The following NTF3 variants were observed in gnomAD, a reference collection of about 807,000 sequenced individuals.
The protein encoded by NTF3 is neurotrophin 3.
A neutral mutation model predicts 26.3 loss-of-function variants in NTF3; 8 were observed. The ratio of observed to expected loss-of-function variants is 0.30; its 90% confidence interval spans 0.18 to 0.55. The LOEUF is 0.55. Among genes scored for constraint, NTF3 ranks in the 20% least tolerant of loss-of-function variants. NTF3 has a pLI of 0.93. For missense variants in NTF3, 276 were observed against 352.9 expected, an observed-to-expected ratio of 0.78 and a Z score of 1.75; for synonymous variants, 154 against 145.5, an observed-to-expected ratio of 1.06 and a Z score of -0.42.
chr12:5,491,485 T>C (rs1333320878), intron 1 of NTF3, among the ~76,000 whole-genome samples: 1 of 152,108 alleles, frequency 6.6e-6, no homozygotes, highest in Non-Finnish European at 1.5e-5. Flanking sequence ...GCAGGTGCTA[T>C]CGTTGGGATC....
At chr12:5,472,027 C>T (rs371358360) in intron 1 of NTF3, among the ~76,000 whole-genome samples, 6 of 152,232 alleles carry the variant, frequency 3.9e-5, no homozygotes, top group African/African-American at 1.2e-4. Flanking sequence ...GATAACTGTG[C>T]GGTCTGAGGT....
At chr12:5,483,782 G>A (rs1254279218) in intron 1 of NTF3, among the ~76,000 whole-genome samples, 1 of 152,186 alleles carries the variant, frequency 6.6e-6, no homozygotes, top group African/African-American at 2.4e-5. Flanking sequence ...GGATGTGCAG[G>A]AACATGGAGA....
chr12:5,436,634 C>CT (rs1940172108), intron 1 of NTF3, among the ~76,000 whole-genome samples: 1 of 152,182 alleles, frequency 6.6e-6, no homozygotes, highest in Non-Finnish European at 1.5e-5. Context: ...AATACAGGTG[C>CT]TAGCACGTAT....
At chr12:5,439,948 C>T (rs1042532030) in intron 1 of NTF3, among the ~76,000 whole-genome samples, 1 of 152,144 alleles carries the variant, frequency 6.6e-6, no homozygotes, top group Non-Finnish European at 1.5e-5. Context: ...CTGAGGTCCC[C>T]AGGCTGTGTT....
chr12:5,471,382 G>A lies in NTF3; in HGVS notation c.19-22812G>A, dbSNP rs546405122. On this transcript the variant is annotated intron_variant, in intron 1 of 1. Coordinates refer to ENST00000423158, the MANE Select transcript of NTF3 (RefSeq NM_001102654.2). ...TGGGAAACCAATACTATGTTGAAATGTACAAAATAATCTTAAAGCACAGAT... is the reference window on the plus strand; with the variant it reads ...TGGGAAACCAATACTATGTTGAAATATACAAAATAATCTTAAAGCACAGAT... Among the ~76,000 whole-genome samples, 14 of 152,194 alleles carry A rather than the reference G, an allele frequency of 9.2e-5. No homozygotes were observed. The South Asian group carries it at 2.9e-3, about 32-fold the overall frequency.
At chr12:5,446,803 A>G (rs367651611) in intron 1 of NTF3, among the ~76,000 whole-genome samples, 4 of 152,240 alleles carry the variant, frequency 2.6e-5, no homozygotes, top group African/African-American at 7.2e-5. Flanking sequence ...TGCTAAGTGC[A>G]TGCTTCGGTA....
chr12:5,432,639 C>G (rs1026918248), intron 1 of NTF3, among the ~76,000 whole-genome samples: 7 of 151,604 alleles, frequency 4.6e-5, no homozygotes, highest in Admixed American at 3.9e-4. Context: ...CTCCTCCCCT[C>G]TTGTCCCTCG....
intron 1 of NTF3, among the ~76,000 whole-genome samples, chr12:5,469,371 A>C (rs1191575118): frequency 6.6e-6 from 1 of 152,152 alleles, no homozygotes; most frequent in Non-Finnish European, 1.5e-5. Flanking sequence ...CAGAGCTTAG[A>C]CACCTGCTGC....
intron 1 of NTF3, among the ~76,000 whole-genome samples, chr12:5,480,376 G>T (rs1940774548): frequency 6.6e-6 from 1 of 152,184 alleles, no homozygotes; most frequent in Non-Finnish European, 1.5e-5. Flanking sequence ...GGGAAAGGAA[G>T]ACAATAGAAT....
chr12:5,439,477 A>G (rs1565383466), intron 1 of NTF3, among the ~76,000 whole-genome samples: 1 of 152,188 alleles, frequency 6.6e-6, no homozygotes, highest in African/African-American at 2.4e-5. Context: ...TGGTCACCCC[A>G]TAGGGTAACC....
rs2121147568 is a variant in NTF3 at position 5,441,811 on chromosome 12, C to A, written c.18+9469C>A. Among the ~76,000 whole-genome samples the A allele has an allele frequency of 2.0e-5, 3 of 152,320 alleles. No homozygotes were observed. In the East Asian group the frequency reaches 5.8e-4, roughly 29 times the overall value. The stretch of plus-strand genomic sequence containing the variant: ...GTGTTACCTTTATCCCCCTTTTGGC[C>A]TGTCCCAAGGCTAAGGTCATGAATG... On this transcript the variant is annotated intron_variant, in intron 1 of 1. Transcript: ENST00000423158.
intron 1 of NTF3, among the ~76,000 whole-genome samples, chr12:5,457,608 T>C (rs566158067): frequency 1.3e-5 from 2 of 152,312 alleles, no homozygotes; most frequent in Admixed American, 6.5e-5. Context: ...AGGTCTCTTA[T>C]ATCTTATCTC....
At chr12:5,470,908 A>G (rs1272768430) in intron 1 of NTF3, among the ~76,000 whole-genome samples, 1 of 152,194 alleles carries the variant, frequency 6.6e-6, no homozygotes, top group Non-Finnish European at 1.5e-5. Context: ...TTTGAAATAC[A>G]TATGTATGTC....
At chr12:5,491,754 C>G (rs1426162442) in intron 1 of NTF3, among the ~76,000 whole-genome samples, 1 of 125,090 alleles carries the variant, frequency 8.0e-6, no homozygotes, top group Non-Finnish European at 1.6e-5. Flanking sequence ...GAGTCTTGCT[C>G]TGTCGCCCAG....
At chr12:5,442,446 G>A (rs1385336145) in intron 1 of NTF3, among the ~76,000 whole-genome samples, 1 of 152,136 alleles carries the variant, frequency 6.6e-6, no homozygotes, top group Non-Finnish European at 1.5e-5. Context: ...AGGTGTGCAT[G>A]CTCACCAGGG....
intron 1 of NTF3, among the ~76,000 whole-genome samples, chr12:5,481,195 C>T (rs1336826796): frequency 6.6e-6 from 1 of 152,138 alleles, no homozygotes; most frequent in Non-Finnish European, 1.5e-5. Context: ...CCTGCCCTTG[C>T]TGGAGGAGCA....
At chr12:5,467,475 A>G (rs1403672579) in intron 1 of NTF3, among the ~76,000 whole-genome samples, 4 of 152,176 alleles carry the variant, frequency 2.6e-5, no homozygotes, top group Non-Finnish European at 5.9e-5. Flanking sequence ...GTTCCTCCCC[A>G]TATCTAACTT....
chr12:5,486,339 G>A (rs1940865717), intron 1 of NTF3, among the ~76,000 whole-genome samples: 1 of 152,178 alleles, frequency 6.6e-6, no homozygotes, highest in Non-Finnish European at 1.5e-5. Context: ...AGAATTGAAG[G>A]GAAGGCATGC....
intron 1 of NTF3, among the ~76,000 whole-genome samples, chr12:5,472,862 T>A (rs1940681872): frequency 6.6e-6 from 1 of 152,192 alleles, no homozygotes; most frequent in Admixed American, 6.5e-5. Context: ...TGATCATAGA[T>A]ATCTATGTTG....
Sources: gnomAD v4.1 joint callset for allele counts (sites outside exome capture counted in the v4.1 genomes callset) on GRCh38, gnomAD v4.1.1 for gene constraint, MANE v1.5 for transcripts, NCBI Gene and HGNC (gene_info 2026-07-23, HGNC 2026-07-21) for gene names.